The following DLGAP1 variants were observed in gnomAD, a reference collection of about 807,000 sequenced individuals.
The protein encoded by DLGAP1 is disks large-associated protein 1.
In DLGAP1, 11 loss-of-function variants were observed where a neutral mutation model predicts 90.8. The observed-to-expected ratio is 0.12, with a 90% CI of 0.08 to 0.20. DLGAP1 has a LOEUF of 0.20. DLGAP1 is among the 10% of genes least tolerant of loss of function. DLGAP1 has a pLI of 1.00. For synonymous variants in DLGAP1, 558 were observed against 540.7 expected (o/e 1.03, Z -0.44); for missense variants, 1,050 against 1,333.8 (o/e 0.79, Z 3.31).
chr18:3,596,109 T>C (rs1488081895), intron 7 of DLGAP1, among the ~76,000 whole-genome samples: 1 of 152,072 alleles, frequency 6.6e-6, no homozygotes, highest in Non-Finnish European at 1.5e-5. Flanking sequence ...AGAGATAGCA[T>C]GCCCAGGAGG....
intron 1 of DLGAP1, among the ~76,000 whole-genome samples, chr18:4,381,874 G>C (rs2082127689): frequency 6.6e-6 from 1 of 152,236 alleles, no homozygotes; most frequent in African/African-American, 2.4e-5. Flanking sequence ...AGGACTCACA[G>C]TTCCACGTGG....
At chr18:4,129,633 A>T (rs2076284583) in intron 2 of DLGAP1, among the ~76,000 whole-genome samples, 1 of 152,092 alleles carries the variant, frequency 6.6e-6, no homozygotes, top group East Asian at 1.9e-4. Context: ...GGAAGGATAA[A>T]TGTGAAGTTG....
chr18:3,762,699 A>C (rs571147049), intron 5 of DLGAP1, among the ~76,000 whole-genome samples: 72 of 152,182 alleles, frequency 4.7e-4, no homozygotes, highest in Non-Finnish European at 9.3e-4. Flanking sequence ...CAAAAAAGGT[A>C]TCTCTTCTAT....
intron 5 of DLGAP1, among the ~76,000 whole-genome samples, chr18:3,813,007 A>G (rs2066919114): frequency 6.6e-6 from 1 of 152,226 alleles, no homozygotes; most frequent in South Asian, 2.1e-4. Context: ...CTATTTCTAC[A>G]TTCCAAGACT....
chr18:3,669,447 C>T (rs1404160012), intron 7 of DLGAP1, among the ~76,000 whole-genome samples: 3 of 152,134 alleles, frequency 2.0e-5, no homozygotes, highest in Admixed American at 6.5e-5. Context: ...AATTCGAGAC[C>T]CTAGTAAGGA....
In DLGAP1 at chr18:3,502,201, C is replaced by T. The variant is rs1448916248; in HGVS notation, c.2724+292G>A. 11 of 1,256,264 alleles carry T rather than the reference C, an allele frequency of 8.8e-6. No homozygotes were observed. In the Admixed American group the frequency reaches 2.0e-4, roughly 22 times the overall value. The allele number at this position is 1,256,264 out of a possible 1,614,324, so 77.8% of individuals were successfully genotyped here. A position where few individuals can be genotyped will look rare whatever the true frequency, so the allele number is the denominator to read the frequency against. On this transcript the variant is annotated intron_variant, in intron 12 of 12. Transcript: ENST00000315677. ...TTTAGTTTAAAAAGCAAAATGGAGG[C>T]AGTTCCTTCCAGTGACTAAAATGGT... is the stretch of plus-strand genomic sequence containing the variant.
At chr18:4,285,432 A>G (rs1476729853) in intron 1 of DLGAP1, among the ~76,000 whole-genome samples, 1 of 152,246 alleles carries the variant, frequency 6.6e-6, no homozygotes, top group Non-Finnish European at 1.5e-5. Flanking sequence ...GTGCAAGGAA[A>G]AGAAAATTTA....
chr18:3,813,639 A>G (rs1303686653), intron 5 of DLGAP1, among the ~76,000 whole-genome samples: 1 of 152,166 alleles, frequency 6.6e-6, no homozygotes, highest in African/African-American at 2.4e-5. Flanking sequence ...CTCTTCTATT[A>G]TGTTACTCAA....
At chr18:3,909,628 C>G (rs879733060) in intron 3 of DLGAP1, among the ~76,000 whole-genome samples, 5 of 152,098 alleles carry the variant, frequency 3.3e-5, no homozygotes, top group Non-Finnish European at 7.4e-5. Flanking sequence ...CTTTCTCTTT[C>G]TCTTGATTCT....
intron 3 of DLGAP1, among the ~76,000 whole-genome samples, chr18:3,905,409 G>C (rs1214255462): frequency 7.8e-6 from 1 of 128,422 alleles, no homozygotes; most frequent in Non-Finnish European, 1.7e-5. Flanking sequence ...AAATGTACCT[G>C]AATAAAGGGA....
rs1200159508 is a variant in DLGAP1, at chr18:3,600,736, A to G, written c.1592-18488T>C. 1.2e-3 allele frequency among the ~76,000 whole-genome samples: 67 copies of G among 57,298 alleles called. 1 individual carries two copies. The highest frequency in any genetic ancestry group is 0.012 in the Middle Eastern group (1 of 84). The allele number at this position is 57,298 out of a possible 152,430, so 37.6% of individuals were successfully genotyped here. Reference sequence around the variant, plus strand: ...TATAGATATAGAGATATAGATATATATAGATATATAGATATATATAGATAT... The same window carrying G: ...TATAGATATAGAGATATAGATATATGTAGATATATAGATATATATAGATAT... On this transcript the variant is annotated intron_variant, in intron 7 of 12. Coordinates refer to ENST00000315677, the MANE Select transcript of DLGAP1 (RefSeq NM_004746.4).
At chr18:3,890,556 A>T (rs1401441428) in intron 3 of DLGAP1, among the ~76,000 whole-genome samples, 1 of 152,144 alleles carries the variant, frequency 6.6e-6, no homozygotes. Context: ...TGACCCTTTT[A>T]ACTTTTTTCA....
intron 7 of DLGAP1, among the ~76,000 whole-genome samples, chr18:3,681,076 C>T (rs193174958): frequency 4.6e-5 from 7 of 152,248 alleles, no homozygotes; most frequent in Admixed American, 2.0e-4. Flanking sequence ...TTTACAGGCA[C>T]GCACATCTTC....
intron 5 of DLGAP1, among the ~76,000 whole-genome samples, chr18:3,786,956 G>T (rs563693040): frequency 8.1e-6 from 1 of 123,198 alleles, no homozygotes; most frequent in Non-Finnish European, 1.7e-5. Context: ...TGTGTTGTTC[G>T]CATTTTTACA....
chr18:3,872,581 CAT>C (rs1031499630), intron 4 of DLGAP1, among the ~76,000 whole-genome samples: 2 of 152,116 alleles, frequency 1.3e-5, no homozygotes, highest in African/African-American at 4.8e-5. Flanking sequence ...TGGTGGAAAA[CAT>C]AATCTAATTA....
intron 1 of DLGAP1, among the ~76,000 whole-genome samples, chr18:4,408,379 C>A (rs2082708698): frequency 6.6e-6 from 1 of 152,064 alleles, no homozygotes; most frequent in African/African-American, 2.4e-5. Context: ...CTACATCCAA[C>A]TGGAGGCTAA....
At chr18:4,104,765 TAAG>T (rs2075832678) in intron 2 of DLGAP1, among the ~76,000 whole-genome samples, 1 of 152,196 alleles carries the variant, frequency 6.6e-6, no homozygotes, top group South Asian at 2.1e-4. Context: ...AAGAATATAA[TAAG>T]AAGGGGTTGG....
At chr18:3,567,669 AAT>A in intron 8 of DLGAP1, 88 bp from the exon 9 acceptor site, 1 of 1,156,690 alleles carries the variant, frequency 8.6e-7, no homozygotes, top group Non-Finnish European at 1.3e-6. Flanking sequence ...AAAAATCTCT[AAT>A]ATGACTGGAA....
At chr18:3,669,358 G>C (rs2059998214) in intron 7 of DLGAP1, among the ~76,000 whole-genome samples, 1 of 152,124 alleles carries the variant, frequency 6.6e-6, no homozygotes, top group South Asian at 2.1e-4. Flanking sequence ...GCGAGGACAG[G>C]CACTCCTGCC....
Sources: allele counts gnomAD v4.1 joint callset (sites outside exome capture counted in the v4.1 genomes callset), GRCh38; gene constraint gnomAD v4.1.1; transcripts MANE v1.5; gene names NCBI Gene and HGNC (gene_info 2026-07-23, HGNC 2026-07-21).